DOK5: variants seen among roughly 807,000 people sequenced by gnomAD.
The protein encoded by DOK5 is docking protein 5, also known as downstream of tyrosine kinase 5.
DOK5 carries 27 observed loss-of-function variants against 43.3 expected under a neutral mutation model. The ratio of observed to expected loss-of-function variants is 0.62; its 90% confidence interval spans 0.46 to 0.86. The LOEUF is 0.86. DOK5 is among the 40% of genes least tolerant of loss of function. The pLI is 0.00. For synonymous variants in DOK5, 146 were observed against 140.1 expected (o/e 1.04, Z -0.30); for missense variants, 373 against 392.9 (o/e 0.95, Z 0.43).
At chr20:54,480,314 C>G (rs1981618635) in intron 1 of DOK5, among the ~76,000 whole-genome samples, 1 of 152,120 alleles carries the variant, frequency 6.6e-6, no homozygotes, top group Non-Finnish European at 1.5e-5. Context: ...GCTGATAAAA[C>G]AGTTTACAGT....
intron 6 of DOK5, among the ~76,000 whole-genome samples, chr20:54,638,752 CTTTTTTTTTTT>C (rs11476340): frequency 7.1e-5 from 7 of 98,536 alleles, no homozygotes; most frequent in African/African-American, 2.6e-4. Flanking sequence ...CTTTTCTTTT[CTTTTTTTTTTT>C]TTTTTTTTGA....
intron 1 of DOK5, among the ~76,000 whole-genome samples, chr20:54,548,471 A>G (rs953530569): frequency 6.6e-6 from 1 of 151,996 alleles, no homozygotes; most frequent in Non-Finnish European, 1.5e-5. Flanking sequence ...TCCTGGACTC[A>G]AGCAACTCAC....
intron 6 of DOK5, among the ~76,000 whole-genome samples, chr20:54,632,196 C>G (rs1233828940): frequency 6.6e-6 from 1 of 152,136 alleles, no homozygotes; most frequent in Non-Finnish European, 1.5e-5. Flanking sequence ...ATAGTAACAT[C>G]TTAACTCAGG....
intron 1 of DOK5, among the ~76,000 whole-genome samples, chr20:54,554,150 G>C (rs1218153926): frequency 6.6e-6 from 1 of 152,026 alleles, no homozygotes; most frequent in African/African-American, 2.4e-5. Context: ...GATGGTGATG[G>C]GTTCCTGGGG....
chr20:54,593,600 G>A (rs113511718), intron 5 of DOK5, among the ~76,000 whole-genome samples: 1,953 of 152,294 alleles, frequency 0.013, 44 homozygotes, highest in African/African-American at 0.042. Context: ...GCCAACACAG[G>A]AGGATTGCTT....
chr20:54,531,000 C>T (rs1983752645), intron 1 of DOK5, among the ~76,000 whole-genome samples: 2 of 152,110 alleles, frequency 1.3e-5, no homozygotes, highest in South Asian at 2.1e-4. Flanking sequence ...AACCACACTC[C>T]TATGTGTTAT....
intron 2 of DOK5, among the ~76,000 whole-genome samples, chr20:54,563,599 A>G (rs899995604): frequency 6.7e-6 from 1 of 149,888 alleles, no homozygotes; most frequent in Middle Eastern, 3.2e-3. Context: ...TGATTCTTAT[A>G]TCAGTCTCAG....
In DOK5 at chr20:54,510,641, T is replaced by C. The variant is rs369881990; in HGVS notation, c.66+34629T>C. The stretch of plus-strand genomic sequence containing the variant: ...ATGGCCTAGTTTTGGAAAGAACAAC[T>C]CTCCTTCCCGCTCTACTGGAATGCA... On this transcript the variant is annotated intron_variant, in intron 1 of 7. Coordinates refer to ENST00000262593, the MANE Select transcript of DOK5 (RefSeq NM_018431.5). 6.6e-5 allele frequency among the ~76,000 whole-genome samples: 10 copies of C among 152,218 alleles called. 1 individual carries two copies. The East Asian group carries it at 1.7e-3, about 26-fold the overall frequency.
chr20:54,482,530 C>G (rs533450151), intron 1 of DOK5, among the ~76,000 whole-genome samples: 12 of 152,288 alleles, frequency 7.9e-5, no homozygotes, highest in African/African-American at 2.2e-4. Flanking sequence ...GAGTCTCGCT[C>G]TGCTGCCTAG....
At chr20:54,550,977 G>A (rs1480482444) in intron 1 of DOK5, among the ~76,000 whole-genome samples, 3 of 152,074 alleles carry the variant, frequency 2.0e-5, no homozygotes, top group Non-Finnish European at 2.9e-5. Context: ...AACTACCACT[G>A]TTTTTCAGAG....
intron 1 of DOK5, among the ~76,000 whole-genome samples, chr20:54,544,159 A>G (rs1000616327): frequency 6.6e-6 from 1 of 152,192 alleles, no homozygotes; most frequent in Admixed American, 6.5e-5. Context: ...ATTTTTCTTT[A>G]CAGTAAATTT....
intron 2 of DOK5, among the ~76,000 whole-genome samples, chr20:54,572,549 G>A (rs1985317727): frequency 2.0e-5 from 3 of 151,938 alleles, no homozygotes; most frequent in Admixed American, 2.0e-4. Context: ...GATATGAGGT[G>A]TTCAGAACGT....
chr20:54,626,354 G>A (rs1467647276), intron 6 of DOK5, among the ~76,000 whole-genome samples: 24 of 152,118 alleles, frequency 1.6e-4, no homozygotes, highest in Non-Finnish European at 8.8e-5. Flanking sequence ...TGGAATGAGT[G>A]GCTCCATCTG....
chr20:54,572,164 CTT>C (rs1203805647), intron 2 of DOK5, among the ~76,000 whole-genome samples: 9 of 143,318 alleles, frequency 6.3e-5, no homozygotes, highest in Non-Finnish European at 6.2e-5. Flanking sequence ...TTGCAACATT[CTT>C]TTTTTTTTTT....
intron 5 of DOK5, among the ~76,000 whole-genome samples, chr20:54,593,490 G>A (rs561878721): frequency 1.3e-5 from 2 of 152,230 alleles, no homozygotes; most frequent in East Asian, 1.9e-4. Flanking sequence ...AATGTTGAGA[G>A]CAATGTTCTT....
intron 1 of DOK5, among the ~76,000 whole-genome samples, chr20:54,513,153 C>G (rs561640610): frequency 6.6e-6 from 1 of 152,226 alleles, no homozygotes; most frequent in South Asian, 2.1e-4. Flanking sequence ...TTTGCCTCTT[C>G]CTAGAGTGTA....
intron 7 of DOK5, among the ~76,000 whole-genome samples, chr20:54,646,355 G>A (rs1473379415): frequency 7.0e-6 from 1 of 142,620 alleles, no homozygotes; most frequent in Non-Finnish European, 1.5e-5. Context: ...CTGGGCACCA[G>A]TGATCCTCCT....
At chr20:54,647,516 A>AAC (rs966931493) in intron 7 of DOK5, among the ~76,000 whole-genome samples, 5 of 151,716 alleles carry the variant, frequency 3.3e-5, no homozygotes, top group African/African-American at 1.2e-4. Context: ...AGTTAAAAAA[A>AAC]AAAAAAACAA....
At chr20:54,515,947 A>G (rs973313545) in intron 1 of DOK5, among the ~76,000 whole-genome samples, 3 of 152,222 alleles carry the variant, frequency 2.0e-5, no homozygotes, top group Admixed American at 1.3e-4. Context: ...GCATTAGCTG[A>G]CAGCAGTCCC....
Sources: allele counts gnomAD v4.1 joint callset (sites outside exome capture counted in the v4.1 genomes callset), GRCh38; gene constraint gnomAD v4.1.1; transcripts MANE v1.5; gene names NCBI Gene and HGNC (gene_info 2026-07-23, HGNC 2026-07-21).